Variants in BRINP3 observed in about 807,000 individuals in gnomAD.
The protein encoded by BRINP3 is BMP/retinoic acid inducible neural specific 3, also known as BMP/retinoic acid-inducible neural-specific protein 3.
In BRINP3, 19 loss-of-function variants were observed where a neutral mutation model predicts 71.0. The observed-to-expected ratio is 0.27, with a 90% confidence interval of 0.19 to 0.39. BRINP3 has a LOEUF of 0.39. BRINP3 is among the 10% of genes least tolerant of loss of function. The pLI is 1.00. For missense variants in BRINP3, 959 were observed against 940.8 expected (o/e 1.02, Z -0.25); for synonymous variants, 380 against 337.7 (o/e 1.13, Z -1.37).
intron 2 of BRINP3, among the ~76,000 whole-genome samples, chr1:190,342,929 C>T (rs80229346): frequency 0.015 from 2,339 of 151,704 alleles, 20 homozygotes; most frequent in African/African-American, 0.024. Flanking sequence ...AGACAGAAAA[C>T]GGTGTTAAGA....
intron 6 of BRINP3, among the ~76,000 whole-genome samples, chr1:190,216,656 G>A (rs944894768): frequency 4.6e-5 from 7 of 151,816 alleles, no homozygotes; most frequent in Non-Finnish European, 7.4e-5. Flanking sequence ...TTAGCATTCT[G>A]TGCTAATCCT....
chr1:190,203,032 A>AT (rs1475147582), intron 6 of BRINP3, among the ~76,000 whole-genome samples: 2 of 152,048 alleles, frequency 1.3e-5, no homozygotes, highest in Admixed American at 1.3e-4. Context: ...GGAAGCTGTC[A>AT]TTTTTACAAA....
chr1:190,433,589 C>A (rs965039624), intron 2 of BRINP3, among the ~76,000 whole-genome samples: 1 of 152,028 alleles, frequency 6.6e-6, no homozygotes, highest in Non-Finnish European at 1.5e-5. Flanking sequence ...CTTTTTAGAC[C>A]CATTTCTATT....
chr1:190,433,719 G>T (rs1228734660), intron 2 of BRINP3, among the ~76,000 whole-genome samples: 1 of 152,068 alleles, frequency 6.6e-6, no homozygotes, highest in East Asian at 1.9e-4. Flanking sequence ...CTTCTGACCT[G>T]CAATTTTCTG....
intron 6 of BRINP3, among the ~76,000 whole-genome samples, chr1:190,182,707 T>C (rs767716084): frequency 2.6e-5 from 4 of 152,110 alleles, no homozygotes; most frequent in African/African-American, 4.8e-5. Flanking sequence ...GAGTTATTTA[T>C]GCAAGAGGCT....
intron 6 of BRINP3, among the ~76,000 whole-genome samples, chr1:190,177,150 CTTTTTTTTTT>C (rs1030190199): frequency 1.1e-4 from 7 of 63,212 alleles, no homozygotes; most frequent in African/African-American, 2.9e-4. Context: ...GCACCCACTT[CTTTTTTTTTT>C]TTTTTTTTTT....
intron 2 of BRINP3, among the ~76,000 whole-genome samples, chr1:190,324,715 C>A (rs981084113): frequency 6.6e-6 from 1 of 151,580 alleles, no homozygotes; most frequent in East Asian, 1.9e-4. Context: ...TAATAGATAT[C>A]CATGTTTATA....
intron 6 of BRINP3, among the ~76,000 whole-genome samples, chr1:190,173,799 C>A (rs1224632583): frequency 1.3e-5 from 2 of 152,024 alleles, no homozygotes; most frequent in Non-Finnish European, 1.5e-5. Context: ...ACTATTTTCC[C>A]CCCAATTTTT....
chr1:190,396,713 G>GGTAT (rs150476705), intron 2 of BRINP3, among the ~76,000 whole-genome samples: 2 of 101,022 alleles, frequency 2.0e-5, no homozygotes, highest in Non-Finnish European at 4.1e-5. Context: ...CTAATTTAAT[G>GGTAT]ATATATATAT....
intron 2 of BRINP3, among the ~76,000 whole-genome samples, chr1:190,449,053 G>A (rs1675428670): frequency 6.6e-6 from 1 of 151,874 alleles, no homozygotes; most frequent in Admixed American, 6.6e-5. Context: ...TATCATCGGA[G>A]TTTATAAACC....
At chr1:190,168,935 C>A (rs1394991369) in intron 6 of BRINP3, among the ~76,000 whole-genome samples, 2 of 152,080 alleles carry the variant, frequency 1.3e-5, no homozygotes, top group African/African-American at 4.8e-5. Context: ...CACAATTTTT[C>A]TTTCATATGT....
intron 2 of BRINP3, among the ~76,000 whole-genome samples, chr1:190,306,454 T>A (rs1438132137): frequency 3.3e-5 from 5 of 151,898 alleles, no homozygotes; most frequent in Admixed American, 1.3e-4. Context: ...AATAAAACTA[T>A]ATATTTTTAA....
At chr1:190,465,353 G>A (rs1376926913) in intron 1 of BRINP3, among the ~76,000 whole-genome samples, 1 of 151,838 alleles carries the variant, frequency 6.6e-6, no homozygotes, top group Non-Finnish European at 1.5e-5. Flanking sequence ...ACTCTTTTCT[G>A]GACCTAACTC....
intron 3 of BRINP3, among the ~76,000 whole-genome samples, chr1:190,277,065 G>T (rs1662616498): frequency 1.9e-5 from 1 of 52,676 alleles, no homozygotes; most frequent in South Asian, 7.7e-4. Flanking sequence ...TTGTCTATTT[G>T]ATCCTGAAAT....
chr1:190,190,508 G>A (rs953396675), intron 6 of BRINP3, among the ~76,000 whole-genome samples: 1 of 151,886 alleles, frequency 6.6e-6, no homozygotes, highest in East Asian at 1.9e-4. Flanking sequence ...GTTTCTGCAG[G>A]GTACAATCAC....
intron 6 of BRINP3, among the ~76,000 whole-genome samples, chr1:190,206,319 C>CTAAATAAATAAA (rs1025445259): frequency 1.7e-3 from 260 of 151,570 alleles, no homozygotes; most frequent in African/African-American, 6.1e-3. Context: ...TCCTATTCTG[C>CTAAATAAATAAA]TAAATAAATA....
At chr1:190,377,266 TGTAA>T (rs976012129) in intron 2 of BRINP3, among the ~76,000 whole-genome samples, 2 of 152,004 alleles carry the variant, frequency 1.3e-5, no homozygotes, top group African/African-American at 4.8e-5. Flanking sequence ...CAACAAACAC[TGTAA>T]GTGTTTTCTA....
At chr1:190,116,058 G>A (rs189103955) in intron 7 of BRINP3, among the ~76,000 whole-genome samples, 11 of 152,086 alleles carry the variant, frequency 7.2e-5, no homozygotes, top group Admixed American at 5.9e-4. Context: ...ATCATCTCCT[G>A]TGTAGTGTAA....
chr1:190,109,816 G>T (rs1652513663), intron 7 of BRINP3, among the ~76,000 whole-genome samples: 1 of 152,182 alleles, frequency 6.6e-6, no homozygotes, highest in Admixed American at 6.5e-5. Flanking sequence ...TGCACCAGTA[G>T]TCCCTCAGGT....
Sources: gnomAD v4.1 joint callset for allele counts (sites outside exome capture counted in the v4.1 genomes callset) on GRCh38, gnomAD v4.1.1 for gene constraint, MANE v1.5 for transcripts, NCBI Gene and HGNC (gene_info 2026-07-23, HGNC 2026-07-21) for gene names.